Variants in DLGAP1 observed in about 807,000 individuals in gnomAD.
The protein encoded by DLGAP1 is DLG associated protein 1.
DLGAP1 carries 11 observed loss-of-function variants against 90.8 expected under a neutral mutation model. The observed-to-expected ratio is 0.12, with a 90% confidence interval of 0.08 to 0.20. The LOEUF is 0.20. Among genes scored for constraint, DLGAP1 ranks in the 10% least tolerant of loss-of-function variants. The probability of loss-of-function intolerance (pLI) is 1.00; values close to 1 mark genes in which losing one functional copy is unlikely to be tolerated. For synonymous variants in DLGAP1, 558 were observed against 540.7 expected, an observed-to-expected ratio of 1.03 and a Z score of -0.44; for missense variants, 1,050 against 1,333.8, an observed-to-expected ratio of 0.79 and a Z score of 3.31.
chr18:3,980,142 T>A (rs937026155), intron 3 of DLGAP1, among the ~76,000 whole-genome samples: 2 of 151,278 alleles, frequency 1.3e-5, no homozygotes, highest in East Asian at 1.9e-4. Flanking sequence ...TCTCAAAAAA[T>A]AAATAAATAA....
chr18:3,639,280 C>A (rs2058835360), intron 7 of DLGAP1, among the ~76,000 whole-genome samples: 1 of 151,772 alleles, frequency 6.6e-6, no homozygotes, highest in South Asian at 2.1e-4. Context: ...GGCTTGAACC[C>A]TGGAGATGGA....
intron 7 of DLGAP1, among the ~76,000 whole-genome samples, chr18:3,643,662 C>CAG (rs2059020022): frequency 1.5e-5 from 1 of 65,030 alleles, no homozygotes; most frequent in African/African-American, 5.6e-5. Flanking sequence ...GACTCCATCT[C>CAG]AAAAAAAAAA....
chr18:4,087,816 T>C (rs1265710604), intron 2 of DLGAP1, among the ~76,000 whole-genome samples: 1 of 152,122 alleles, frequency 6.6e-6, no homozygotes, highest in South Asian at 2.1e-4. Flanking sequence ...CCTAGTTCTT[T>C]ATTTTAAAAT....
chr18:4,084,219 C>A lies in DLGAP1; in HGVS notation c.-159+66961G>T, dbSNP rs1007806925. Among the ~76,000 whole-genome samples, 1 of 142,100 alleles carries A rather than the reference C, an allele frequency of 7.0e-6. No individual in the cohort carries two copies. Among genetic ancestry groups the A allele is most frequent in the Non-Finnish European group, 1.6e-5 (1 of 62,506 alleles). 93.2% of individuals were successfully genotyped at this position (142,100 alleles called of 152,430 possible). The stretch of plus-strand genomic sequence containing the variant: ...GGTGTCTTAGCATAATGACTTGCAG[C>A]ACGCAGTGGTTATAGTAGCATTCAC... On this transcript the variant is annotated intron_variant, in intron 2 of 12. Coordinates refer to ENST00000315677, the MANE Select transcript of DLGAP1 (RefSeq NM_004746.4). The surrounding 1 kb of genome is among the most constrained non-coding windows in gnomAD (Gnocchi z 4.0).
At chr18:4,099,161 A>C (rs1336681704) in intron 2 of DLGAP1, among the ~76,000 whole-genome samples, 1 of 152,156 alleles carries the variant, frequency 6.6e-6, no homozygotes, top group Non-Finnish European at 1.5e-5. Context: ...GCATATTCTA[A>C]AGTCTTAACA....
intron 7 of DLGAP1, among the ~76,000 whole-genome samples, chr18:3,707,502 A>G (rs934990617): frequency 6.6e-6 from 1 of 151,930 alleles, no homozygotes; most frequent in Non-Finnish European, 1.5e-5. Context: ...CAGGAGGCTG[A>G]GACAGGAGAA....
intron 1 of DLGAP1, among the ~76,000 whole-genome samples, chr18:4,188,827 T>G (rs190760092): frequency 7.9e-4 from 120 of 152,272 alleles, no homozygotes; most frequent in Non-Finnish European, 1.3e-3. Context: ...ATATAAGCTA[T>G]TTCATATTCT....
At chr18:3,862,604 A>G (rs1373802902) in intron 4 of DLGAP1, among the ~76,000 whole-genome samples, 3 of 152,224 alleles carry the variant, frequency 2.0e-5, no homozygotes, top group Admixed American at 6.5e-5. Context: ...AATGCACATG[A>G]CGTGCCCAGC....
At chr18:4,262,024 G>A (rs1224167586) in intron 1 of DLGAP1, among the ~76,000 whole-genome samples, 1 of 152,080 alleles carries the variant, frequency 6.6e-6, no homozygotes, top group Non-Finnish European at 1.5e-5. Context: ...TGATTGGGAG[G>A]CTATATTAGA....
chr18:3,629,252 A>G (rs1435027587), intron 7 of DLGAP1, among the ~76,000 whole-genome samples: 35 of 152,162 alleles, frequency 2.3e-4, no homozygotes, highest in Admixed American at 2.2e-3. Flanking sequence ...ATCTCTAAAA[A>G]AATAAATAGC....
chr18:3,649,932 C>T (rs908602070), intron 7 of DLGAP1, among the ~76,000 whole-genome samples: 2 of 152,204 alleles, frequency 1.3e-5, no homozygotes, highest in South Asian at 2.1e-4. Context: ...TCTTTCCACA[C>T]ATCTTCCAGT....
At chr18:4,357,447 C>T (rs1243040653) in intron 1 of DLGAP1, among the ~76,000 whole-genome samples, 5 of 152,312 alleles carry the variant, frequency 3.3e-5, no homozygotes, top group South Asian at 2.1e-4. Context: ...TGGATTCCTA[C>T]ACAAATGTAA....
chr18:3,589,519 A>G (rs1599395566), intron 7 of DLGAP1, among the ~76,000 whole-genome samples: 1 of 152,204 alleles, frequency 6.6e-6, no homozygotes, highest in East Asian at 1.9e-4. Context: ...CAAGTCCATA[A>G]GGAACCACAA....
intron 2 of DLGAP1, among the ~76,000 whole-genome samples, chr18:4,074,374 T>A (rs1456832967): frequency 1.3e-5 from 2 of 152,116 alleles, no homozygotes; most frequent in Non-Finnish European, 2.9e-5. Flanking sequence ...GTTCTCTCAC[T>A]TAAATTTTCA....
chr18:3,757,459 T>C (rs1358134805), intron 5 of DLGAP1, among the ~76,000 whole-genome samples: 1 of 152,052 alleles, frequency 6.6e-6, no homozygotes, highest in Non-Finnish European at 1.5e-5. Flanking sequence ...AACTACCTAC[T>C]AATAGCCCTC....
At chr18:4,182,315 T>C (rs1049719237) in intron 1 of DLGAP1, among the ~76,000 whole-genome samples, 1 of 151,986 alleles carries the variant, frequency 6.6e-6, no homozygotes, top group Non-Finnish European at 1.5e-5. Flanking sequence ...CAAAAGCTAT[T>C]TCACCTCCCC....
chr18:4,047,726 C>T (rs770627916), intron 2 of DLGAP1, among the ~76,000 whole-genome samples: 1 of 152,172 alleles, frequency 6.6e-6, no homozygotes, highest in Non-Finnish European at 1.5e-5. Flanking sequence ...GTTATATGGT[C>T]CATGAATCTG....
rs186288073 is a variant in DLGAP1, at chr18:3,711,418, C to T, written c.1591+17717G>A. The stretch of plus-strand genomic sequence containing the variant: ...TATATGCCCAATTAGTCTATTGGAA[C>T]AAAAATAGAATGTAAAACAAAAAAT... On this transcript the variant is annotated intron_variant, in intron 7 of 12. Transcript: ENST00000315677. This position sits in a 1 kb window ranked among gnomAD's most constrained non-coding sequence, Gnocchi z 4.0. Among the ~76,000 whole-genome samples the T allele has an allele frequency of 2.0e-5, 3 of 152,128 alleles. No individual in the cohort carries two copies. Among genetic ancestry groups the T allele is most frequent in the Non-Finnish European group, 4.4e-5 (3 of 68,016 alleles).
At chr18:3,733,031 A>G (rs1473689680) in intron 6 of DLGAP1, among the ~76,000 whole-genome samples, 1 of 152,064 alleles carries the variant, frequency 6.6e-6, no homozygotes, top group Non-Finnish European at 1.5e-5. Flanking sequence ...GACATGGGAG[A>G]TGATGGAATT....
Sources: gnomAD v4.1 joint callset for allele counts (sites outside exome capture counted in the v4.1 genomes callset) on GRCh38, gnomAD v4.1.1 for gene constraint, Gnocchi (gnomAD v3.1) non-coding constraint, MANE v1.5 for transcripts, NCBI Gene and HGNC (gene_info 2026-07-23, HGNC 2026-07-21) for gene names.